THSD7B: variants seen among roughly 807,000 people sequenced by gnomAD.
The protein encoded by THSD7B is thrombospondin type 1 domain containing 7B.
In THSD7B, 138 loss-of-function variants were observed where a neutral mutation model predicts 213.6. The ratio of observed to expected loss-of-function variants is 0.65; its 90% CI spans 0.56 to 0.74. The LOEUF is 0.74. Ranked by LOEUF, THSD7B falls within the 30% of genes least tolerant of loss-of-function variation. The probability of loss-of-function intolerance (pLI) is 0.00; values close to 1 mark genes in which losing one functional copy is unlikely to be tolerated. For synonymous variants in THSD7B, 742 were observed against 687.0 expected, an observed-to-expected ratio of 1.08 and a Z score of -1.25; for missense variants, 1,931 against 1,991.5, an observed-to-expected ratio of 0.97 and a Z score of 0.58.
chr2:137,009,753 A>G (rs532095342), intron 2 of THSD7B, among the ~76,000 whole-genome samples: 5 of 152,282 alleles, frequency 3.3e-5, no homozygotes, highest in African/African-American at 1.2e-4. Context: ...GGTCCCTCCC[A>G]CAACATGTGG....
chr2:137,657,020 C>A (rs1683249573), intron 23 of THSD7B, 45 bp from the exon 24 acceptor site: 3 of 1,613,296 alleles, frequency 1.9e-6, no homozygotes, highest in Non-Finnish European at 2.5e-6. Flanking sequence ...AATGCTTATT[C>A]TAAGTGAGGT....
intron 1 of THSD7B, among the ~76,000 whole-genome samples, chr2:136,844,690 G>A (rs1256282932): frequency 1.3e-5 from 2 of 152,308 alleles, no homozygotes; most frequent in East Asian, 3.9e-4. Context: ...CTCTCCTTCA[G>A]GAAGGAAGCA....
chr2:136,993,787 A>G (rs1283983549), intron 2 of THSD7B, among the ~76,000 whole-genome samples: 2 of 152,190 alleles, frequency 1.3e-5, no homozygotes, highest in Non-Finnish European at 2.9e-5. Flanking sequence ...AGGGAAATGT[A>G]TGAAACCGGA....
intron 17 of THSD7B, among the ~76,000 whole-genome samples, chr2:137,576,393 G>A (rs1264699671): frequency 6.6e-6 from 1 of 152,094 alleles, no homozygotes; most frequent in East Asian, 1.9e-4. Flanking sequence ...GGCCAGAACT[G>A]TAGCCAAGCA....
intron 2 of THSD7B, among the ~76,000 whole-genome samples, chr2:137,014,589 A>G (rs1032989474): frequency 6.6e-6 from 1 of 152,148 alleles, no homozygotes; most frequent in Non-Finnish European, 1.5e-5. Context: ...CATTTGGTCT[A>G]TTAAAGTTCA....
intron 1 of THSD7B, among the ~76,000 whole-genome samples, chr2:136,779,475 C>G (rs953098321): frequency 2.0e-5 from 3 of 152,008 alleles, no homozygotes; most frequent in African/African-American, 7.3e-5. Flanking sequence ...AGGTCCCACA[C>G]CTTGTATTAC....
At chr2:137,151,503 A>G (rs750686992) in intron 5 of THSD7B, among the ~76,000 whole-genome samples, 2 of 144,076 alleles carry the variant, frequency 1.4e-5, no homozygotes, top group Non-Finnish European at 3.0e-5. Context: ...AACAATGCAC[A>G]TGTACCCTAG....
intron 16 of THSD7B, among the ~76,000 whole-genome samples, chr2:137,569,012 T>C (rs1410078348): frequency 6.6e-6 from 1 of 152,154 alleles, no homozygotes; most frequent in Non-Finnish European, 1.5e-5. Context: ...GATGGGAAGA[T>C]TTTCTTAGAT....
At chr2:137,578,520 G>A (rs542660107) in intron 17 of THSD7B, among the ~76,000 whole-genome samples, 1 of 152,306 alleles carries the variant, frequency 6.6e-6, no homozygotes, top group South Asian at 2.1e-4. Context: ...CTTAGCAGGA[G>A]GGCTAAATTT....
intron 27 of THSD7B, among the ~76,000 whole-genome samples, chr2:137,672,681 C>A (rs1183273835): frequency 1.3e-5 from 2 of 152,074 alleles, no homozygotes; most frequent in African/African-American, 4.8e-5. Context: ...AAAACAGAAG[C>A]CTTAGGACAA....
intron 7 of THSD7B, among the ~76,000 whole-genome samples, chr2:137,181,993 A>T (rs1426210554): frequency 2.0e-5 from 3 of 152,222 alleles, no homozygotes; most frequent in African/African-American, 7.2e-5. Context: ...CATTGTAATT[A>T]AAAGCTAAAA....
At chr2:137,425,966 TA>T (rs1687045760) in intron 14 of THSD7B, among the ~76,000 whole-genome samples, 1 of 152,140 alleles carries the variant, frequency 6.6e-6, no homozygotes, top group East Asian at 1.9e-4. Flanking sequence ...ATAGAACTAA[TA>T]AATGAATTCA....
intron 7 of THSD7B, 85 bp downstream of exon 7, chr2:137,171,023 A>C: frequency 9.5e-6 from 13 of 1,371,342 alleles, no homozygotes; most frequent in Non-Finnish European, 9.1e-6. Flanking sequence ...GATCATTCTC[A>C]TGAGGAAGAG....
At chr2:137,667,522 T>C (rs1683472679) in intron 26 of THSD7B, among the ~76,000 whole-genome samples, 1 of 152,164 alleles carries the variant, frequency 6.6e-6, no homozygotes, top group Non-Finnish European at 1.5e-5. Context: ...TAGACATAAT[T>C]TCTAGTAGGA....
intron 5 of THSD7B, among the ~76,000 whole-genome samples, chr2:137,135,570 C>G (rs991363178): frequency 2.0e-5 from 3 of 152,054 alleles, no homozygotes; most frequent in Non-Finnish European, 4.4e-5. Context: ...TTTCTGTGAC[C>G]CTTTTGAAAC....
Position 137,676,939 on chromosome 2 carries a change from T to C in THSD7B, c.*334T>C. The C allele has an allele frequency of 4.8e-6, 1 of 207,312 alleles. No homozygotes were observed. The allele number at this position is 207,312 out of a possible 1,614,324, so 12.8% of individuals were successfully genotyped here. On this transcript the variant is annotated 3_prime_UTR_variant, in exon 28 of 28. Coordinates refer to ENST00000409968, the MANE Select transcript of THSD7B (RefSeq NM_001316349.2). The stretch of plus-strand genomic sequence containing the variant: ...GTAAACTTGATCTTCAGCAGCATAA[T>C]GACAATCCAGAGGAAAATACAGTCA...
chr2:137,628,558 A>G (rs1682678841), intron 20 of THSD7B, among the ~76,000 whole-genome samples: 1 of 151,772 alleles, frequency 6.6e-6, no homozygotes, highest in Non-Finnish European at 1.5e-5. Context: ...GAGAGGTGTT[A>G]TTTGCGTCAG....
intron 11 of THSD7B, 138 bp from the exon 12 acceptor site, chr2:137,275,785 G>T: frequency 1.7e-6 from 1 of 602,776 alleles, no homozygotes; most frequent in Non-Finnish European, 2.9e-6. Context: ...GCCAAGGCTT[G>T]GTTTTATGAC....
rs944933155 is a variant in THSD7B, at chr2:137,504,086, C to T, written c.3138+53063C>T. On this transcript the variant is annotated intron_variant, in intron 15 of 27. Transcript: ENST00000409968. The stretch of plus-strand genomic sequence containing the variant: ...AGGAAAAGAGAGAGAAAGTGAGCTT[C>T]GGTGCAGTGATTGTCATCTTTATGT... Among the ~76,000 whole-genome samples the T allele has an allele frequency of 4.6e-5, 7 of 151,282 alleles. No homozygotes were observed. The East Asian group carries it at 9.7e-4, about 21-fold the overall frequency.
Sources: allele counts gnomAD v4.1 joint callset (sites outside exome capture counted in the v4.1 genomes callset), GRCh38; gene constraint gnomAD v4.1.1; transcripts MANE v1.5; gene names NCBI Gene and HGNC (gene_info 2026-07-23, HGNC 2026-07-21).